FTCDNL1: variants seen among roughly 807,000 people sequenced by gnomAD.
FTCDNL1 encodes formiminotransferase cyclodeaminase N-terminal like.
FTCDNL1 carries 11 observed loss-of-function variants against 5.9 expected under a neutral mutation model. The ratio of observed to expected loss-of-function variants is 1.87; its 90% CI spans 1.18 to 3.10. The LOEUF (loss-of-function observed/expected upper bound fraction) is 3.10. FTCDNL1 is among the 30% of genes most tolerant of loss of function. The probability of loss-of-function intolerance (pLI) is 0.00; values close to 1 mark genes in which losing one functional copy is unlikely to be tolerated. For missense variants in FTCDNL1, 115 were observed against 65.5 expected (o/e 1.76, Z -2.61); for synonymous variants, 58 against 24.8 (o/e 2.34, Z -3.99).
At position 199,836,640 on chromosome 2, in the gene FTCDNL1, G is replaced by A. The variant is rs182880825; in HGVS notation, c.211+9435C>T. ...AAATTAACCAGGCATGGTGGTACAT[G>A]CTGTAGTTCCAGCTATTCGGGAGGT... On this transcript the variant is annotated intron_variant, in intron 3 of 4. Coordinates refer to ENST00000420128, the MANE Select transcript of FTCDNL1 (RefSeq NM_001363886.2). Among the ~76,000 whole-genome samples, 351 of 152,270 alleles carry A rather than the reference G, an allele frequency of 2.3e-3. 1 individual carries two copies. Among genetic ancestry groups the A allele is most frequent in the African/African-American group, 7.6e-3 (316 of 41,566 alleles).
the FTCDNL1 span, among the ~76,000 whole-genome samples, chr2:199,751,070 G>C: frequency 6.6e-6 from 1 of 152,296 alleles, no homozygotes; most frequent in South Asian, 2.1e-4. Context: ...TTGCGGACCT[G>C]AGACTGGATT....
At chr2:199,729,818 C>A in the FTCDNL1 span, among the ~76,000 whole-genome samples, 4 of 152,162 alleles carry the variant, frequency 2.6e-5, no homozygotes, top group African/African-American at 9.6e-5. Context: ...ATCAAGCTAC[C>A]ATTGACTTTC....
At chr2:199,708,872 C>T in the FTCDNL1 span, among the ~76,000 whole-genome samples, 5 of 152,064 alleles carry the variant, frequency 3.3e-5, no homozygotes, top group African/African-American at 1.2e-4. Context: ...ATTTCTGGAG[C>T]TCTTTTTCTT....
intron 3 of FTCDNL1, among the ~76,000 whole-genome samples, chr2:199,799,147 A>G (rs77624902): frequency 0.014 from 2,152 of 152,270 alleles, 42 homozygotes; most frequent in African/African-American, 0.049. Context: ...TACGCTGAAA[A>G]TAAAACAAAG....
At chr2:199,797,575 A>G (rs1700234097) in intron 3 of FTCDNL1, among the ~76,000 whole-genome samples, 1 of 152,222 alleles carries the variant, frequency 6.6e-6, no homozygotes, top group South Asian at 2.1e-4. Flanking sequence ...AAAAGCAATA[A>G]AAGGAGGCAA....
In FTCDNL1 at chr2:199,812,713, C is replaced by T. The variant is rs1349855526; in HGVS notation, c.409G>A (p.Ala137Thr). The T allele has an allele frequency of 8.6e-6, 6 of 698,846 alleles. No individual in the cohort carries two copies. The highest frequency in any genetic ancestry group is 5.3e-5 in the African/African-American group (3 of 57,044). 43.3% of individuals were successfully genotyped at this position (698,846 alleles called of 1,614,324 possible). The change falls in exon 5 of 5, where the codon GCG becomes ACG. Residue 137 changes from alanine (A) to threonine (T), a missense_variant. By Grantham distance (58) the Ala-to-Thr change is moderately conservative. Transcript: ENST00000420128. Reference protein sequence around the residue: ...QRCGLTACFRAL With the variant: ...QRCGLTACFRTL The stretch of plus-strand genomic sequence containing the variant: ...TTCTTCCAACACAACTGTCACAACG[C>T]CCTGAAGCAAGCTAAAAACAAGGAA...
chr2:199,850,426 G>A lies in FTCDNL1; in HGVS notation c.-8+314C>T, dbSNP rs527315186. On this transcript the variant is annotated intron_variant, in intron 1 of 4. Coordinates refer to ENST00000420128, the MANE Select transcript of FTCDNL1 (RefSeq NM_001363886.2). The stretch of plus-strand genomic sequence containing the variant: ...GCAACCCCTAACAGTGCAAAAGAAA[G>A]GATTAGTTTCATCCTCTCATTCCAC... Among the ~76,000 whole-genome samples, 15 of 152,330 alleles carry A rather than the reference G, an allele frequency of 9.8e-5. No individual in the cohort carries two copies. The South Asian group carries it at 3.1e-3, about 32-fold the overall frequency.
the FTCDNL1 span, among the ~76,000 whole-genome samples, chr2:199,716,991 G>C: frequency 6.6e-6 from 1 of 152,120 alleles, no homozygotes; most frequent in South Asian, 2.1e-4. Context: ...GTTTCTCGGA[G>C]TGTTAGGTGT....
chr2:199,698,901 C>T, the FTCDNL1 span, among the ~76,000 whole-genome samples: 1 of 151,924 alleles, frequency 6.6e-6, no homozygotes, highest in African/African-American at 2.4e-5. Flanking sequence ...GAGAGATGAT[C>T]CAAATAAACA....
At chr2:199,821,832 T>C (rs573558492) in intron 3 of FTCDNL1, among the ~76,000 whole-genome samples, 62 of 152,270 alleles carry the variant, frequency 4.1e-4, no homozygotes, top group African/African-American at 1.4e-3. Context: ...GTAGATACCA[T>C]AAAGCCAAGA....
At chr2:199,698,748 T>C in the FTCDNL1 span, among the ~76,000 whole-genome samples, 1 of 151,412 alleles carries the variant, frequency 6.6e-6, no homozygotes. Flanking sequence ...CCAAAGCTAG[T>C]GGAAGAAAAA....
downstream of FTCDNL1, among the ~76,000 whole-genome samples, chr2:199,759,196 A>G (rs1698175966): frequency 1.3e-5 from 2 of 151,992 alleles, no homozygotes; most frequent in African/African-American, 4.8e-5. Context: ...CAAAAAGTCC[A>G]GAGTAGATAC....
chr2:199,713,331 T>A, the FTCDNL1 span, among the ~76,000 whole-genome samples: 1 of 151,934 alleles, frequency 6.6e-6, no homozygotes, highest in East Asian at 1.9e-4. Flanking sequence ...TTTGAAGACA[T>A]TGGACATCAA....
chr2:199,793,013 C>T (rs756187164), intron 3 of FTCDNL1, among the ~76,000 whole-genome samples: 5 of 152,104 alleles, frequency 3.3e-5, no homozygotes, highest in Non-Finnish European at 7.4e-5. Context: ...GGAGCATACA[C>T]ACAAAAACAA....
At chr2:199,768,610 A>G (rs1476177339) in intron 3 of FTCDNL1, among the ~76,000 whole-genome samples, 1 of 152,082 alleles carries the variant, frequency 6.6e-6, no homozygotes, top group Non-Finnish European at 1.5e-5. Context: ...AAGGAAGAAT[A>G]AGGAAGGAAA....
chr2:199,764,610 T>G (rs1196001490), intron 3 of FTCDNL1, among the ~76,000 whole-genome samples: 2 of 152,190 alleles, frequency 1.3e-5, no homozygotes. Context: ...TCTGAGTAAG[T>G]GCAGGAGTCA....
the FTCDNL1 span, among the ~76,000 whole-genome samples, chr2:199,738,245 G>A: frequency 2.6e-5 from 4 of 152,178 alleles, no homozygotes; most frequent in African/African-American, 9.7e-5. Flanking sequence ...AGCTCTTGAC[G>A]TGGTCTCTCT....
intron 3 of FTCDNL1, among the ~76,000 whole-genome samples, chr2:199,834,215 T>A (rs1178264212): frequency 1.3e-5 from 2 of 152,068 alleles, no homozygotes; most frequent in African/African-American, 4.8e-5. Context: ...GAAGGTCAAG[T>A]GCAAGCCAAG....
At chr2:199,705,817 T>C in the FTCDNL1 span, among the ~76,000 whole-genome samples, 1 of 152,164 alleles carries the variant, frequency 6.6e-6, no homozygotes. Context: ...CTTGGGGAAA[T>C]ACCTGTGAAG....
Sources: allele counts gnomAD v4.1 joint callset (sites outside exome capture counted in the v4.1 genomes callset), GRCh38; gene constraint gnomAD v4.1.1; transcripts MANE v1.5; gene names NCBI Gene and HGNC (gene_info 2026-07-23, HGNC 2026-07-21).